Variants in WWOX observed in about 807,000 individuals in gnomAD.
WWOX encodes WW domain-containing oxidoreductase.
WWOX carries 69 observed loss-of-function variants against 46.2 expected under a neutral mutation model. The observed-to-expected ratio is 1.49, with a 90% CI of 1.23 to 1.82. WWOX has a LOEUF of 1.82. WWOX is among the 40% of genes most tolerant of loss of function. The probability of loss-of-function intolerance (pLI) is 0.00; values close to 1 mark genes in which losing one functional copy is unlikely to be tolerated. For synonymous variants in WWOX, 359 were observed against 202.6 expected (o/e 1.77, Z -6.56); for missense variants, 919 against 542.6 (o/e 1.69, Z -6.89).
intron 8 of WWOX, among the ~76,000 whole-genome samples, chr16:78,477,331 G>T (rs1287057956): frequency 2.6e-5 from 4 of 151,908 alleles, no homozygotes; most frequent in Non-Finnish European, 5.9e-5. Flanking sequence ...GCAAACCTTT[G>T]CATAAATCCT....
At chr16:78,879,412 A>G (rs750222999) in intron 8 of WWOX, among the ~76,000 whole-genome samples, 3 of 152,176 alleles carry the variant, frequency 2.0e-5, no homozygotes, top group Non-Finnish European at 2.9e-5. Flanking sequence ...TCTTCATGCC[A>G]TAAGGGCAAA....
rs181250967 is a variant in WWOX, at chr16:78,445,143, T to G, written c.1056+12391T>G. Reference sequence around the variant, plus strand: ...GGTGAAGGGAAAGAAATGATACAGGTGTACATCAGGGTATAAGCTGTCCTA... The same window carrying G: ...GGTGAAGGGAAAGAAATGATACAGGGGTACATCAGGGTATAAGCTGTCCTA... On this transcript the variant is annotated intron_variant, in intron 8 of 8. Transcript: ENST00000566780. Among the ~76,000 whole-genome samples, 12 of 152,270 alleles carry G rather than the reference T, an allele frequency of 7.9e-5. 1 individual carries two copies. The highest frequency in any genetic ancestry group is 7.8e-4 in the Admixed American group (12 of 15,304).
At chr16:78,851,915 C>T (rs1039638440) in intron 8 of WWOX, among the ~76,000 whole-genome samples, 4 of 152,134 alleles carry the variant, frequency 2.6e-5, no homozygotes, top group Non-Finnish European at 5.9e-5. Flanking sequence ...CCTTCATGCC[C>T]ATCTTCAGCA....
intron 8 of WWOX, among the ~76,000 whole-genome samples, chr16:78,574,999 T>TTATATATATATATATATATAAATATA (rs2044814581): frequency 2.7e-5 from 1 of 37,016 alleles, no homozygotes; most frequent in Non-Finnish European, 6.0e-5. Context: ...TATTTTTCAA[T>TTATATATATATATATATATAAATATA]TATATATATA....
intron 3 of WWOX, among the ~76,000 whole-genome samples, chr16:78,111,233 G>A (rs1031251851): frequency 1.3e-5 from 2 of 152,012 alleles, no homozygotes. Context: ...AGAGACTGAA[G>A]GCACAAACTG....
At chr16:78,547,899 C>T (rs1399256159) in intron 8 of WWOX, among the ~76,000 whole-genome samples, 1 of 152,052 alleles carries the variant, frequency 6.6e-6, no homozygotes, top group Non-Finnish European at 1.5e-5. Context: ...CACCTGTAAT[C>T]CCAGCACTTT....
chr16:78,729,500 A>C (rs897027649), intron 8 of WWOX, among the ~76,000 whole-genome samples: 1 of 152,154 alleles, frequency 6.6e-6, no homozygotes, highest in Admixed American at 6.5e-5. Context: ...GAAAGACAGA[A>C]GAGGAGGAGT....
Position 79,006,261 on chromosome 16 carries a change from C to T in WWOX, c.1057-205347C>T, listed in dbSNP as rs530256711. On this transcript the variant is annotated intron_variant, in intron 8 of 8. Coordinates refer to ENST00000566780, the MANE Select transcript of WWOX (RefSeq NM_016373.4). The stretch of plus-strand genomic sequence containing the variant: ...TTTGATGAGTTGCACAAAGAGGAGA[C>T]CTGTCCTGGGAATGGAGGAGAAGAT... 5.3e-5 allele frequency among the ~76,000 whole-genome samples: 8 copies of T among 152,224 alleles called. No individual in the cohort carries two copies. In the South Asian group the frequency reaches 1.5e-3, roughly 28 times the overall value.
chr16:79,128,828 C>T (rs2049815550), intron 8 of WWOX, among the ~76,000 whole-genome samples: 1 of 152,114 alleles, frequency 6.6e-6, no homozygotes, highest in Non-Finnish European at 1.5e-5. Context: ...CACAATGGGA[C>T]TAGAACACTC....
intron 8 of WWOX, among the ~76,000 whole-genome samples, chr16:79,055,089 T>C (rs911422705): frequency 6.6e-6 from 1 of 152,178 alleles, no homozygotes; most frequent in Admixed American, 6.5e-5. Flanking sequence ...TAATAGCCAG[T>C]GAATATAAAA....
At chr16:78,281,081 T>TA (rs1427873579) in intron 5 of WWOX, 13 of 152,190 alleles carry the variant, frequency 8.5e-5, no homozygotes, top group African/African-American at 3.1e-4. Flanking sequence ...CCAAAGTCGA[T>TA]ATGCTAGAGT....
At position 78,976,749 on chromosome 16, in the gene WWOX, T is replaced by A. The variant is rs190884010; in HGVS notation, c.1057-234859T>A. ...ACTTCTATCTTCCCCACTCTAGGTC[T>A]TTTTACTGCAACTACCGTTTAAAAT... On this transcript the variant is annotated intron_variant, in intron 8 of 8. Coordinates refer to ENST00000566780, the MANE Select transcript of WWOX (RefSeq NM_016373.4). 3.0e-4 allele frequency among the ~76,000 whole-genome samples: 46 copies of A among 152,342 alleles called. No homozygotes were observed. The East Asian group carries it at 7.5e-3, about 25-fold the overall frequency.
At chr16:78,949,433 C>A (rs1449706503) in intron 8 of WWOX, among the ~76,000 whole-genome samples, 1 of 152,190 alleles carries the variant, frequency 6.6e-6, no homozygotes, top group Non-Finnish European at 1.5e-5. Flanking sequence ...CCTCCTACAA[C>A]CTGGACTTTT....
intron 5 of WWOX, among the ~76,000 whole-genome samples, chr16:78,384,550 TG>T (rs1212370723): frequency 2.0e-5 from 3 of 152,228 alleles, no homozygotes; most frequent in Non-Finnish European, 4.4e-5. Context: ...TCAATATTCT[TG>T]GTGGCAGTTG....
chr16:78,358,542 C>G (rs2081343804), intron 5 of WWOX, among the ~76,000 whole-genome samples: 2 of 152,120 alleles, frequency 1.3e-5, no homozygotes, highest in Admixed American at 6.5e-5. Context: ...CCTGTAATCC[C>G]AGCTACTCAG....
intron 8 of WWOX, among the ~76,000 whole-genome samples, chr16:78,661,490 C>T (rs756188515): frequency 7.2e-5 from 11 of 152,058 alleles, no homozygotes; most frequent in African/African-American, 2.4e-4. Context: ...AGTTATTTGT[C>T]TGGATTTGAT....
intron 8 of WWOX, among the ~76,000 whole-genome samples, chr16:79,044,739 G>T (rs2150518055): frequency 6.6e-6 from 1 of 152,270 alleles, no homozygotes; most frequent in South Asian, 2.1e-4. Context: ...ATTGTAGAGG[G>T]GACTGATGTT....
At chr16:78,505,949 C>G (rs2085192130) in intron 8 of WWOX, among the ~76,000 whole-genome samples, 1 of 152,212 alleles carries the variant, frequency 6.6e-6, no homozygotes, top group Non-Finnish European at 1.5e-5. Context: ...CTGCAAACCG[C>G]ATTTCCTTGG....
At chr16:78,412,182 C>G (rs965106993) in intron 6 of WWOX, among the ~76,000 whole-genome samples, 10 of 152,216 alleles carry the variant, frequency 6.6e-5, no homozygotes, top group Non-Finnish European at 1.3e-4. Flanking sequence ...GTCATGGAGA[C>G]TAAAGGAGAA....
Sources: gnomAD v4.1 joint callset for allele counts (sites outside exome capture counted in the v4.1 genomes callset) on GRCh38, gnomAD v4.1.1 for gene constraint, MANE v1.5 for transcripts, NCBI Gene and HGNC (gene_info 2026-07-23, HGNC 2026-07-21) for gene names.